Variants in RDH12 observed in about 807,000 individuals in gnomAD.
The protein encoded by RDH12 is all-trans and 9-cis retinol dehydrogenase.
In RDH12, 21 loss-of-function variants were observed where a neutral mutation model predicts 34.0. That is an observed-to-expected ratio of 0.62 (90% confidence interval 0.44 to 0.89). RDH12 has a LOEUF of 0.89. Among genes scored for constraint, RDH12 ranks in the 40% least tolerant of loss-of-function variants. The pLI is 0.00. For missense variants in RDH12, 394 were observed against 398.6 expected (o/e 0.99, Z 0.10); for synonymous variants, 198 against 169.9 (o/e 1.17, Z -1.29).
intron 1 of RDH12, among the ~76,000 whole-genome samples, chr14:67,714,352 G>A (rs1276817925): frequency 6.6e-6 from 1 of 151,904 alleles, no homozygotes; most frequent in Non-Finnish European, 1.5e-5. Context: ...GTTGCTCTTG[G>A]TCTCAAACTC....
intron 1 of RDH12, chr14:67,715,214 T>TAAA (rs140951303): frequency 0.017 from 2,617 of 149,730 alleles, 81 homozygotes; most frequent in African/African-American, 0.056. Context: ...TAATAGCCGT[T>TAAA]AAAAAATAAA....
chr14:67,712,493 C>CAAAAAAAAAAAAAAAA (rs79758974), intron 1 of RDH12, among the ~76,000 whole-genome samples: 2 of 38,930 alleles, frequency 5.1e-5, no homozygotes, highest in Non-Finnish European at 1.5e-4. Flanking sequence ...AAAAAACTTG[C>CAAAAAAAAAAAAAAAA]AAAAAAAAAA....
At chr14:67,729,112 T>C in intron 7 of RDH12, 79 bp from the exon 8 acceptor site, 11 of 1,407,824 alleles carry the variant, frequency 7.8e-6, no homozygotes, top group East Asian at 2.3e-5. Context: ...TTCTCACTTG[T>C]GTATTTTGCT....
At position 67,728,667 on chromosome 14, in the gene RDH12, G is replaced by A. The variant is rs549193391; in HGVS notation, c.659-524G>A. On this transcript the variant is annotated intron_variant, in intron 7 of 8. Coordinates refer to ENST00000551171, the MANE Select transcript of RDH12 (RefSeq NM_152443.3). ...GTTGTATGGCCCTGGCACATAATTGGTACTGAAAAATAGTGACCGCACCAG... is the reference window on the plus strand; with the variant it reads ...GTTGTATGGCCCTGGCACATAATTGATACTGAAAAATAGTGACCGCACCAG... Among the ~76,000 whole-genome samples the A allele has an allele frequency of 6.0e-5, 9 of 148,832 alleles. No individual in the cohort carries two copies. In the East Asian group the frequency reaches 1.8e-3, roughly 30 times the overall value.
chr14:67,720,451 T>G (rs899718630), intron 1 of RDH12, among the ~76,000 whole-genome samples: 9 of 152,234 alleles, frequency 5.9e-5, no homozygotes, highest in Admixed American at 5.9e-4. Flanking sequence ...GTGGTTCTTC[T>G]TAATACTTCA....
intron 8 of RDH12, among the ~76,000 whole-genome samples, chr14:67,732,126 CAAAAAAAAAAAA>C (rs71129854): frequency 4.6e-4 from 36 of 77,524 alleles, no homozygotes; most frequent in Admixed American, 2.1e-3. Flanking sequence ...GACTCTGTCT[CAAAAAAAAAAAA>C]AAAAAAAAAA....
chr14:67,725,063 T>C (rs1473816335), intron 4 of RDH12, 36 bp from the exon 5 acceptor site: 1 of 1,612,686 alleles, frequency 6.2e-7, no homozygotes, highest in African/African-American at 1.3e-5. Context: ...TAGCCTAGGA[T>C]ATGAACATAC....
chr14:67,720,500 G>A (rs774256419), intron 1 of RDH12, among the ~76,000 whole-genome samples: 2 of 152,098 alleles, frequency 1.3e-5, no homozygotes, highest in Admixed American at 6.5e-5. Context: ...TGAGGTATTC[G>A]AATTTTGGAA....
chr14:67,730,758 C>A (rs1185473399), intron 8 of RDH12, among the ~76,000 whole-genome samples: 10 of 152,004 alleles, frequency 6.6e-5, no homozygotes. Flanking sequence ...TGCCCGCCAC[C>A]ACACCTGACT....
rs377085347 is a variant in RDH12, at chr14:67,726,137, C to T, written c.430C>T (p.Leu144=). 18 of 1,610,532 alleles carry T rather than the reference C, an allele frequency of 1.1e-5. No homozygotes were observed. Among genetic ancestry groups the T allele is most frequent in the Non-Finnish European group, 1.5e-5 (18 of 1,176,676 alleles). ...SKTADGFETH[L]GVNHLGHFLL... The stretch of plus-strand genomic sequence containing the variant: ...GACAGCTGATGGCTTTGAAACCCAC[C>T]TGGGAGTCAACCACCTGGGTAAGTA... The change falls in exon 6 of 9, where the codon CTG becomes TTG. Residue 144 remains leucine (L), a synonymous_variant. Transcript: ENST00000551171.
At chr14:67,724,690 G>T (rs1200614889) in intron 4 of RDH12, 99 bp downstream of exon 4, 13 of 948,720 alleles carry the variant, frequency 1.4e-5, no homozygotes, top group Non-Finnish European at 1.9e-5. Flanking sequence ...CCTAGGCTTG[G>T]GGGCTCTGAC....
intron 1 of RDH12, among the ~76,000 whole-genome samples, chr14:67,708,972 T>C (rs1441113031): frequency 6.6e-6 from 1 of 152,120 alleles, no homozygotes; most frequent in Non-Finnish European, 1.5e-5. Context: ...TTTGTATTTT[T>C]AGTAAAGATG....
At chr14:67,712,620 T>C (rs1269605188) in intron 1 of RDH12, among the ~76,000 whole-genome samples, 1 of 151,998 alleles carries the variant, frequency 6.6e-6, no homozygotes, top group Non-Finnish European at 1.5e-5. Flanking sequence ...CTTTTAACCA[T>C]TGAGCTCATT....
chr14:67,729,488 C>T (rs2038239309), intron 8 of RDH12, 108 bp downstream of exon 8: 3 of 1,149,046 alleles, frequency 2.6e-6, no homozygotes, highest in Non-Finnish European at 3.8e-6. Context: ...TGATGCAATC[C>T]AGGTTTGGGT....
rs1052165497 is a variant in RDH12 at position 67,729,254 on chromosome 14, C to T, written c.722C>T (p.Ser241Phe). 3 of 1,609,410 alleles carry T rather than the reference C, an allele frequency of 1.9e-6. No individual in the cohort carries two copies. The highest frequency in any genetic ancestry group is 2.2e-5 in the South Asian group (2 of 91,026). ...GTCCGCTCTGAGCTGGTCCGGCACT[C>T]CTCCCTGCTCTGCCTGCTCTGGCGG... ...GVVRSELVRH[S>F]SLLCLLWRLF... is the part of the protein sequence containing the mutation. Residue 241 changes from serine (S) to phenylalanine (F), a missense_variant, in exon 8 of 9, where the codon TCC (serine) becomes TTC (phenylalanine). By Grantham distance (155) the Ser-to-Phe change is radical. Coordinates refer to ENST00000551171, the MANE Select transcript of RDH12 (RefSeq NM_152443.3).
Position 67,730,861 on chromosome 14 carries a change from C to T in RDH12, c.848+1481C>T, listed in dbSNP as rs77943938. ...TCAGTTGATCCACCTGCCTTGGCCT[C>T]CTAAAGTGCTGGGATTACAGGCGTG... On this transcript the variant is annotated intron_variant, in intron 8 of 8. Transcript: ENST00000551171. Among the ~76,000 whole-genome samples, 1,391 of 152,284 alleles carry T rather than the reference C, an allele frequency of 9.1e-3. 47 individuals are homozygous for T. The highest frequency in any genetic ancestry group is 0.072 in the East Asian group (373 of 5,170).
intron 8 of RDH12, 62 bp downstream of exon 8, chr14:67,729,442 G>A (rs545048680): frequency 1.3e-6 from 2 of 1,519,440 alleles, no homozygotes; most frequent in East Asian, 2.2e-5. Context: ...CGGACTCGCT[G>A]GGCTGTTCAT....
At chr14:67,710,263 T>G (rs1236873670) in intron 1 of RDH12, among the ~76,000 whole-genome samples, 2 of 152,190 alleles carry the variant, frequency 1.3e-5, no homozygotes, top group Non-Finnish European at 2.9e-5. Flanking sequence ...CTAAATTAAC[T>G]GAGACCTGTC....
In RDH12 at chr14:67,722,687, G is replaced by A; in HGVS notation, c.45G>A (p.Leu15=). The change falls in exon 3 of 9, where the codon CTG becomes CTA. Residue 15 remains leucine (L), a synonymous_variant. Transcript: ENST00000551171. ...LGLLTSFFSF[L]YMVAPSIRKF... ...TGCTCACCTCCTTCTTCTCGTTCCT[G>A]TATATGGTAGCTCCATCCATCAGGT... The A allele has an allele frequency of 6.2e-7, 1 of 1,613,932 alleles. No individual in the cohort carries two copies. The highest frequency in any genetic ancestry group is 8.5e-7 in the Non-Finnish European group (1 of 1,179,824).
Sources: allele counts gnomAD v4.1 joint callset (sites outside exome capture counted in the v4.1 genomes callset), GRCh38; gene constraint gnomAD v4.1.1; transcripts MANE v1.5; gene names NCBI Gene and HGNC (gene_info 2026-07-23, HGNC 2026-07-21).